METTL9: variants seen among roughly 807,000 people sequenced by gnomAD.
METTL9 encodes the protein methyltransferase 9, His-X-His N1(pi)-histidine.
A neutral mutation model predicts 36.0 loss-of-function variants in METTL9; 10 were observed. The ratio of observed to expected loss-of-function variants is 0.28; its 90% CI spans 0.17 to 0.47. The LOEUF (loss-of-function observed/expected upper bound fraction) is 0.47. Among genes scored for constraint, METTL9 ranks in the 20% least tolerant of loss-of-function variants. METTL9 has a pLI of 0.99. For synonymous variants in METTL9, 175 were observed against 149.7 expected, an observed-to-expected ratio of 1.17 and a Z score of -1.23; for missense variants, 246 against 383.5, an observed-to-expected ratio of 0.64 and a Z score of 3.00.
chr16:21,630,884 A>G (rs958359356), intron 4 of METTL9, among the ~76,000 whole-genome samples: 4 of 152,150 alleles, frequency 2.6e-5, no homozygotes, highest in African/African-American at 9.7e-5. Context: ...AAGAGTTTGA[A>G]AGGTGGTGTC....
At chr16:21,624,798 A>G in intron 3 of METTL9, 133 bp from the exon 4 acceptor site, 1 of 823,042 alleles carries the variant, frequency 1.2e-6, no homozygotes, top group South Asian at 1.8e-5. Context: ...CATTATTGCA[A>G]ACATAAATTA....
chr16:21,626,529 G>A (rs890215310), intron 4 of METTL9, among the ~76,000 whole-genome samples: 1 of 152,106 alleles, frequency 6.6e-6, no homozygotes, highest in Non-Finnish European at 1.5e-5. Context: ...GAATTCTTTC[G>A]ATATAGAAGG....
chr16:21,600,042 G>T, intron 1 of METTL9, 144 bp downstream of exon 1: 2 of 746,292 alleles, frequency 2.7e-6, no homozygotes, highest in South Asian at 6.6e-5. Flanking sequence ...TTTTCCCCGC[G>T]CCTTCCCCGC....
In METTL9 at chr16:21,618,150, T is replaced by C. The variant is rs964934849; in HGVS notation, c.566+76T>C. 5.4e-6 allele frequency: 6 copies of C among 1,110,116 alleles called. No individual in the cohort carries two copies. The African/African-American group carries it at 6.5e-5, about 12-fold the overall frequency. 68.8% of individuals were successfully genotyped at this position (1,110,116 alleles called of 1,614,324 possible). A position where few individuals can be genotyped will look rare whatever the true frequency, so the allele number is the denominator to read the frequency against. On this transcript the variant is annotated intron_variant, in intron 3 of 4. Coordinates refer to ENST00000358154, the MANE Select transcript of METTL9 (RefSeq NM_016025.5). Reference sequence around the variant, plus strand: ...AAAGGATATGAATAAAAAATGATCTTCCATGATTAGAAATTTAAAAAATCA... The same window carrying C: ...AAAGGATATGAATAAAAAATGATCTCCCATGATTAGAAATTTAAAAAATCA...
rs555993197 is a variant in METTL9 at position 21,651,634 on chromosome 16, A to T, written c.752-3593A>T. On this transcript the variant is annotated intron_variant, in intron 4 of 4. Transcript: ENST00000358154. ...TATTATATTAGATTTCAAATTTCTA[A>T]CATATCAAAGTAGCGAAGTAGTACA... 5.9e-5 allele frequency among the ~76,000 whole-genome samples: 9 copies of T among 152,232 alleles called. No homozygotes were observed. In the East Asian group the frequency reaches 1.7e-3, roughly 29 times the overall value.
chr16:21,644,948 G>T (rs1597784690), intron 4 of METTL9, among the ~76,000 whole-genome samples: 1 of 152,154 alleles, frequency 6.6e-6, no homozygotes, highest in Admixed American at 6.5e-5. Flanking sequence ...TTTGCCAAAT[G>T]TGCTCTTCTT....
chr16:21,628,135 C>G (rs572901965), intron 4 of METTL9, among the ~76,000 whole-genome samples: 1 of 152,230 alleles, frequency 6.6e-6, no homozygotes, highest in East Asian at 1.9e-4. Context: ...TTAAATGTAT[C>G]TAGGAAAGTA....
chr16:21,634,893 A>G (rs538122896), intron 4 of METTL9, among the ~76,000 whole-genome samples: 3 of 152,292 alleles, frequency 2.0e-5, no homozygotes, highest in African/African-American at 7.2e-5. Context: ...TAGTCCTTCT[A>G]GAACACAGGT....
In METTL9 at chr16:21,657,445, T is replaced by C. The variant is rs1442112312; in HGVS notation, c.*2013T>C. ...GGAATCATGTTTTTCTCCCCCAAAG[T>C]ACAATAAAGCTGCCTTGTCTGCACC... is the stretch of plus-strand genomic sequence containing the variant. On this transcript the variant is annotated 3_prime_UTR_variant, in exon 5 of 5. Transcript: ENST00000358154. The C allele has an allele frequency of 1.3e-5, 2 of 152,216 alleles. No individual in the cohort carries two copies. The highest frequency in any genetic ancestry group is 1.5e-5 in the Non-Finnish European group (1 of 68,042). 9.4% of individuals were successfully genotyped at this position (152,216 alleles called of 1,614,324 possible). A position where few individuals can be genotyped will look rare whatever the true frequency, so the allele number is the denominator to read the frequency against.
At chr16:21,634,333 T>C (rs1226585733) in intron 4 of METTL9, among the ~76,000 whole-genome samples, 1 of 152,126 alleles carries the variant, frequency 6.6e-6, no homozygotes, top group Non-Finnish European at 1.5e-5. Context: ...GATCATCCGG[T>C]TGGGGGCTTC....
chr16:21,601,531 C>G (rs1232255101), intron 1 of METTL9, among the ~76,000 whole-genome samples: 1 of 152,094 alleles, frequency 6.6e-6, no homozygotes, highest in Admixed American at 6.6e-5. Context: ...AAAAGAATTG[C>G]ACTTATTTTA....
intron 4 of METTL9, among the ~76,000 whole-genome samples, chr16:21,635,544 T>G (rs1003912868): frequency 2.0e-5 from 3 of 152,198 alleles, no homozygotes; most frequent in East Asian, 1.9e-4. Context: ...CCATTTGCCT[T>G]CCTTCTTACA....
At chr16:21,647,614 A>G (rs1966465342) in intron 4 of METTL9, 1 of 1,270,940 alleles carries the variant, frequency 7.9e-7, no homozygotes, top group Non-Finnish European at 1.1e-6. Flanking sequence ...CCCAATATAA[A>G]TAAGACTAAA....
rs912218502 is a variant in METTL9 at position 21,656,721 on chromosome 16, A to G, written c.*1289A>G. On this transcript the variant is annotated 3_prime_UTR_variant, in exon 5 of 5. Coordinates refer to ENST00000358154, the MANE Select transcript of METTL9 (RefSeq NM_016025.5). ...AGTATTCTCATTTATATGCTCATAG[A>G]AGTCATCAGATCAACACATTCACTC... The G allele has an allele frequency of 6.6e-6, 1 of 152,140 alleles. No homozygotes were observed. Among genetic ancestry groups the G allele is most frequent in the African/African-American group, 2.4e-5 (1 of 41,416 alleles). The allele number at this position is 152,140 out of a possible 1,614,324, so 9.4% of individuals were successfully genotyped here. A position where few individuals can be genotyped will look rare whatever the true frequency, so the allele number is the denominator to read the frequency against.
At chr16:21,645,928 A>G (rs1966413525) in intron 4 of METTL9, among the ~76,000 whole-genome samples, 1 of 152,346 alleles carries the variant, frequency 6.6e-6, no homozygotes, top group East Asian at 1.9e-4. Flanking sequence ...TCAAAAGCCC[A>G]TTAGAACCCT....
chr16:21,614,774 T>C (rs1567329278), intron 2 of METTL9, among the ~76,000 whole-genome samples: 1 of 152,192 alleles, frequency 6.6e-6, no homozygotes, highest in Non-Finnish European at 1.5e-5. Context: ...GAGTTTATTT[T>C]ATAAGGAAGA....
In METTL9 at chr16:21,621,318, A is replaced by G. The variant is rs1456342480; in HGVS notation, c.566+3244A>G. On this transcript the variant is annotated intron_variant, in intron 3 of 4. Transcript: ENST00000358154. The stretch of plus-strand genomic sequence containing the variant: ...ATGAGCAAAACACACCTTTTTAAAT[A>G]AAGGTTCTGTAATTTTTTTTTTTTT... 2.0e-5 allele frequency among the ~76,000 whole-genome samples: 3 copies of G among 152,022 alleles called. No homozygotes were observed. In the East Asian group the frequency reaches 5.8e-4, roughly 29 times the overall value.
rs1199141896 is a variant in METTL9, at chr16:21,599,701, G to C, written c.-33G>C. 3 of 1,457,376 alleles carry C rather than the reference G, an allele frequency of 2.1e-6. No individual in the cohort carries two copies. Among genetic ancestry groups the C allele is most frequent in the Admixed American group, 2.6e-5 (1 of 39,140 alleles). 90.3% of individuals were successfully genotyped at this position (1,457,376 alleles called of 1,614,324 possible). A position where few individuals can be genotyped will look rare whatever the true frequency, so the allele number is the denominator to read the frequency against. Reference sequence around the variant, plus strand: ...GCCTCCTCCTCCTCGCCCCGGCGCCGGCGGTGATCCGAGCGAGCGGCCGCG... The same window carrying C: ...GCCTCCTCCTCCTCGCCCCGGCGCCCGCGGTGATCCGAGCGAGCGGCCGCG... On this transcript the variant is annotated 5_prime_UTR_variant, in exon 1 of 5. Coordinates refer to ENST00000358154, the MANE Select transcript of METTL9 (RefSeq NM_016025.5). This position sits in a 1 kb window ranked among gnomAD's most constrained non-coding sequence, Gnocchi z 4.4.
chr16:21,599,360 C>A (rs1010648769), upstream of METTL9: 7 of 1,019,264 alleles, frequency 6.9e-6, no homozygotes, highest in Admixed American at 1.8e-4. This position sits in a 1 kb window ranked among gnomAD's most constrained non-coding sequence, Gnocchi z 4.4. Flanking sequence ...TTACTAGAGG[C>A]CAAGGCAGGG....
Sources: allele counts gnomAD v4.1 joint callset (sites outside exome capture counted in the v4.1 genomes callset), GRCh38; gene constraint gnomAD v4.1.1; non-coding constraint Gnocchi (gnomAD v3.1); transcripts MANE v1.5; gene names NCBI Gene and HGNC (gene_info 2026-07-23, HGNC 2026-07-21).